Variants in NAA16 observed in about 807,000 individuals in gnomAD.
NAA16 encodes the protein N-alpha-acetyltransferase 16, NatA auxiliary subunit.
In NAA16, 97 loss-of-function variants were observed where a neutral mutation model predicts 110.3. That is an observed-to-expected ratio of 0.88 (90% CI 0.75 to 1.04). The LOEUF is 1.04. NAA16 is among the 50% of genes least tolerant of loss of function. The pLI, the probability that NAA16 is intolerant of heterozygous loss-of-function variation, is 0.00. For missense variants in NAA16, 1,017 were observed against 1,005.1 expected, an observed-to-expected ratio of 1.01 and a Z score of -0.16; for synonymous variants, 372 against 330.6, an observed-to-expected ratio of 1.13 and a Z score of -1.36.
chr13:41,319,076 T>C (rs1030345054), intron 3 of NAA16, among the ~76,000 whole-genome samples, 166 bp downstream of exon 3: 1 of 152,216 alleles, frequency 6.6e-6, no homozygotes, highest in African/African-American at 2.4e-5. Context: ...GTAATACTAG[T>C]TTCTTTTTTG....
intron 4 of NAA16, 25 bp downstream of exon 4, chr13:41,320,849 C>T: frequency 6.4e-7 from 1 of 1,559,442 alleles, no homozygotes; most frequent in Non-Finnish European, 8.6e-7. Context: ...CTTAAATGTA[C>T]ATGATTTTAC....
In NAA16 at chr13:41,316,826, T is replaced by C. The variant is rs1351450727; in HGVS notation, c.55-20T>C. 2 of 1,531,834 alleles carry C rather than the reference T, an allele frequency of 1.3e-6. No individual in the cohort carries two copies. The highest frequency in any genetic ancestry group is 2.3e-5 in the East Asian group (1 of 44,438). 94.9% of individuals were successfully genotyped at this position (1,531,834 alleles called of 1,614,324 possible). On this transcript the variant is annotated intron_variant, in intron 1 of 19. Transcript: ENST00000379406. ...ATGTATTCATTTGATAAAATAACTT[T>C]TGTTCATATTTCTTTACAGAAATGT... is the stretch of plus-strand genomic sequence containing the variant.
intron 9 of NAA16, among the ~76,000 whole-genome samples, chr13:41,340,931 T>G (rs2042526974): frequency 6.6e-6 from 1 of 152,266 alleles, no homozygotes; most frequent in South Asian, 2.1e-4. Context: ...CCTCCCAAAG[T>G]GCTGGGATTA....
intron 17 of NAA16, chr13:41,373,046 C>A (rs1280713992): frequency 2.5e-6 from 2 of 816,154 alleles, no homozygotes; most frequent in African/African-American, 1.9e-5. Flanking sequence ...TTACATTAAG[C>A]TGGTGGACAT....
intron 7 of NAA16, among the ~76,000 whole-genome samples, chr13:41,329,436 A>G (rs1242889153): frequency 6.6e-6 from 1 of 151,882 alleles, no homozygotes; most frequent in Non-Finnish European, 1.5e-5. Context: ...TCCTAAAATC[A>G]TATTTACTCA....
At chr13:41,366,075 T>C (rs954903263) in intron 13 of NAA16, among the ~76,000 whole-genome samples, 1 of 152,156 alleles carries the variant, frequency 6.6e-6, no homozygotes, top group Non-Finnish European at 1.5e-5. Context: ...TATGTAATCC[T>C]TTGATTTAAA....
chr13:41,342,022 C>T (rs1353278092), intron 9 of NAA16, among the ~76,000 whole-genome samples: 5 of 147,154 alleles, frequency 3.4e-5, no homozygotes, highest in East Asian at 4.1e-4. Flanking sequence ...TTAGTAGAGA[C>T]GGGGTTTCAC....
At chr13:41,336,945 A>G (rs1320388081) in intron 9 of NAA16, among the ~76,000 whole-genome samples, 189 bp downstream of exon 9, 2 of 152,216 alleles carry the variant, frequency 1.3e-5, no homozygotes, top group Admixed American at 6.5e-5. Context: ...TTATGAAAGC[A>G]CTAAGATTAT....
rs146750895 is a variant in NAA16 at position 41,369,222 on chromosome 13, A to C, written c.1886A>C (p.Asp629Ala). 1 of 1,595,764 alleles carries C rather than the reference A, an allele frequency of 6.3e-7. No homozygotes were observed. Among genetic ancestry groups the C allele is most frequent in the African/African-American group, 1.4e-5 (1 of 73,558 alleles). ...RQQKNQKKKR[D>A]EEEEEASGLK... ...CAGAAAAATCAAAAGAAAAAAAGAG[A>C]TGAAGAAGAAGAAGAAGCCAGTGGC... Residue 629 changes from aspartate (D) to alanine (A), a missense_variant, in exon 15 of 20, where the codon GAT becomes GCT. Transcript: ENST00000379406.
At chr13:41,325,568 C>A (rs2042071257) in intron 5 of NAA16, 130 bp from the exon 6 acceptor site, 1 of 471,816 alleles carries the variant, frequency 2.1e-6, no homozygotes, top group Non-Finnish European at 3.7e-6. Context: ...AATCACTCTT[C>A]TGTTTGTATC....
chr13:41,371,269 TTATTCAAGA>T (rs2043311136), intron 15 of NAA16, among the ~76,000 whole-genome samples: 1 of 152,256 alleles, frequency 6.6e-6, no homozygotes, highest in African/African-American at 2.4e-5. Flanking sequence ...AGGGTTCTGA[TTATTCAAGA>T]CTGTTTTTTG....
At chr13:41,314,164 A>G (rs2041745502) in intron 1 of NAA16, among the ~76,000 whole-genome samples, 1 of 152,012 alleles carries the variant, frequency 6.6e-6, no homozygotes, top group Non-Finnish European at 1.5e-5. Flanking sequence ...GATTTAAATA[A>G]AGAGTAAATA....
At chr13:41,323,899 C>T (rs2042015555) in intron 5 of NAA16, among the ~76,000 whole-genome samples, 1 of 152,144 alleles carries the variant, frequency 6.6e-6, no homozygotes, top group African/African-American at 2.4e-5. Flanking sequence ...CTCTTTTCCA[C>T]TCCTCTGTTT....
At chr13:41,328,875 A>G (rs1485087889) in intron 7 of NAA16, 32 bp downstream of exon 7, 1 of 1,542,194 alleles carries the variant, frequency 6.5e-7, no homozygotes, top group Non-Finnish European at 8.9e-7. Context: ...CTTTCTCATA[A>G]CTACTGATTG....
intron 6 of NAA16, chr13:41,327,910 A>G (rs919853231): frequency 6.6e-6 from 1 of 152,042 alleles, no homozygotes; most frequent in Admixed American, 6.6e-5. Flanking sequence ...ATAGTAAAAA[A>G]AATAGTACAT....
chr13:41,334,474 AAC>A (rs557856657), intron 8 of NAA16, among the ~76,000 whole-genome samples: 216 of 152,324 alleles, frequency 1.4e-3, no homozygotes, highest in African/African-American at 5.1e-3. Flanking sequence ...GTGAATAAGA[AAC>A]AGTCTATTCT....
intron 5 of NAA16, among the ~76,000 whole-genome samples, chr13:41,325,286 AATT>A (rs10587357): frequency 0.95 from 144,042 of 152,070 alleles, 68,288 homozygotes; most frequent in South Asian, 0.99. Context: ...GAAACCATAA[AATT>A]GTGTCACTCA....
At chr13:41,319,394 T>C (rs2041888787) in intron 3 of NAA16, among the ~76,000 whole-genome samples, 1 of 152,262 alleles carries the variant, frequency 6.6e-6, no homozygotes, top group African/African-American at 2.4e-5. Flanking sequence ...TTTTACTTAA[T>C]ATATAAGTAT....
At chr13:41,341,249 A>G (rs772371656) in intron 9 of NAA16, among the ~76,000 whole-genome samples, 67 of 152,196 alleles carry the variant, frequency 4.4e-4, no homozygotes, top group Non-Finnish European at 9.1e-4. Context: ...AGTATCTTTC[A>G]TGCTTTACTG....
Sources: allele counts gnomAD v4.1 joint callset (sites outside exome capture counted in the v4.1 genomes callset), GRCh38; gene constraint gnomAD v4.1.1; transcripts MANE v1.5; gene names NCBI Gene and HGNC (gene_info 2026-07-23, HGNC 2026-07-21).